AKAP12: variants seen among roughly 807,000 people sequenced by gnomAD.
AKAP12 encodes the protein A-kinase anchoring protein 12, also known as A-kinase anchor protein 12.
In AKAP12, 32 loss-of-function variants were observed where a neutral mutation model predicts 79.9. The observed-to-expected ratio is 0.40, with a 90% CI of 0.30 to 0.54. The LOEUF (loss-of-function observed/expected upper bound fraction) is 0.54, where lower values mean the gene tolerates loss of function less well. Ranked by LOEUF, AKAP12 falls within the 20% of genes least tolerant of loss-of-function variation. AKAP12 has a pLI of 0.48. For missense variants in AKAP12, 2,074 were observed against 2,177.0 expected, an observed-to-expected ratio of 0.95 and a Z score of 0.94; for synonymous variants, 808 against 857.0, an observed-to-expected ratio of 0.94 and a Z score of 1.00.
chr6:151,348,680 T>TGGGGGGGGGGGGGGGGGGG, intron 3 of AKAP12, 31 bp from the exon 4 acceptor site: 2 of 355,202 alleles, frequency 5.6e-6, no homozygotes, highest in East Asian at 5.8e-5. Flanking sequence ...TTTTCTCTTC[T>TGGGGGGGGGGGGGGGGGGG]CCCCACCCCC....
chr6:151,252,989 T>G (rs1797215048), intron 2 of AKAP12, among the ~76,000 whole-genome samples: 2 of 152,310 alleles, frequency 1.3e-5, no homozygotes, highest in South Asian at 4.1e-4. Context: ...CCATCCCCAG[T>G]GTCTGCCCTT....
intron 3 of AKAP12, among the ~76,000 whole-genome samples, chr6:151,337,615 C>T (rs1027533796): frequency 1.3e-5 from 2 of 152,008 alleles, no homozygotes; most frequent in Admixed American, 1.3e-4. Flanking sequence ...CTCAGATTCA[C>T]CTATCCCAAA....
intron 2 of AKAP12, among the ~76,000 whole-genome samples, chr6:151,275,114 T>A (rs1053343374): frequency 5.3e-5 from 8 of 151,380 alleles, no homozygotes; most frequent in African/African-American, 7.3e-5. Context: ...AAAAAAAAAA[T>A]TTTTTTTTAA....
intron 2 of AKAP12, among the ~76,000 whole-genome samples, chr6:151,295,025 C>G (rs1776694107): frequency 6.6e-6 from 1 of 152,184 alleles, no homozygotes; most frequent in South Asian, 2.1e-4. Context: ...GTTTCCCAAG[C>G]TAACCTGGAG....
At chr6:151,354,801 C>T (rs1170929259) in intron 4 of AKAP12, among the ~76,000 whole-genome samples, 2 of 152,118 alleles carry the variant, frequency 1.3e-5, no homozygotes, top group African/African-American at 4.8e-5. Flanking sequence ...CCTCTGTCTC[C>T]TGAATAGCTG....
At chr6:151,242,533 A>T (rs1470306959) in intron 2 of AKAP12, among the ~76,000 whole-genome samples, 1 of 152,220 alleles carries the variant, frequency 6.6e-6, no homozygotes, top group African/African-American at 2.4e-5. Context: ...GAATGTATTT[A>T]GTTTTCATTT....
intron 3 of AKAP12, among the ~76,000 whole-genome samples, chr6:151,343,371 G>T (rs552235967): frequency 1.9e-4 from 29 of 152,294 alleles, no homozygotes; most frequent in South Asian, 8.3e-4. Flanking sequence ...AATCATACTA[G>T]AATAGAGTTT....
rs2114832239 is a variant in AKAP12 at position 151,352,984 on chromosome 6, G to GGAA, written c.4595_4596insAGA (p.Glu1531dup). The GGAA allele has an allele frequency of 1.9e-6, 3 of 1,613,752 alleles. No homozygotes were observed. The highest frequency in any genetic ancestry group is 2.5e-6 in the Non-Finnish European group (3 of 1,179,952). On this transcript the variant is annotated inframe_insertion, in exon 4 of 5. Transcript: ENST00000402676. ...AGGTCAAAGTGAGTGTAGCAATTGAGGATTTAGAGCCTGAAAATGGGATTT... is the reference window on the plus strand; with the variant it reads ...AGGTCAAAGTGAGTGTAGCAATTGAGGAAGATTTAGAGCCTGAAAATGGGATTT...
At chr6:151,344,379 A>G (rs1778029685) in intron 3 of AKAP12, among the ~76,000 whole-genome samples, 1 of 79,508 alleles carries the variant, frequency 1.3e-5, no homozygotes, top group Non-Finnish European at 3.2e-5. Flanking sequence ...CTATTCATCT[A>G]TGAATATCCA....
chr6:151,350,645 G>A lies in AKAP12; in HGVS notation c.2254G>A (p.Glu752Lys), dbSNP rs1374258763. 1.9e-6 allele frequency: 3 copies of A among 1,614,008 alleles called. No individual in the cohort carries two copies. Among genetic ancestry groups the A allele is most frequent in the East Asian group, 2.2e-5 (1 of 44,866 alleles). ...CCCGGAGCAAGCTGGAAGCCCTACC[G>A]AAGGGGAGGGCGTTTCCACCTGGGA... ...SSPEQAGSPTEGEGVSTWESF... is the reference protein window; with the variant it reads ...SSPEQAGSPTKGEGVSTWESF... Residue 752 changes from glutamate (E) to lysine (K), a missense_variant, in exon 4 of 5, where the codon GAA becomes AAA. Physicochemically the swap from Glu to Lys is moderately conservative, Grantham distance 56. This residue lies in a region of AKAP12 where 1,428 missense variants were observed against 1,451.0 expected (regional missense o/e 0.98). Transcript: ENST00000402676. This position sits in a 1 kb window ranked among gnomAD's most constrained non-coding sequence, Gnocchi z 4.8.
At chr6:151,266,513 T>G (rs1776029909) in intron 2 of AKAP12, among the ~76,000 whole-genome samples, 1 of 152,192 alleles carries the variant, frequency 6.6e-6, no homozygotes, top group South Asian at 2.1e-4. Flanking sequence ...AAAAACACCC[T>G]GATGAAATGC....
In AKAP12 at chr6:151,352,660, G is replaced by C; in HGVS notation, c.4269G>C (p.Ala1423=). The C allele has an allele frequency of 1.2e-6, 2 of 1,614,140 alleles. No individual in the cohort carries two copies. The highest frequency in any genetic ancestry group is 2.2e-5 in the South Asian group (2 of 91,078). The change falls in exon 4 of 5, where the codon GCG becomes GCC. Residue 1423 remains alanine (A), a synonymous_variant. Coordinates refer to ENST00000402676, the MANE Select transcript of AKAP12 (RefSeq NM_005100.4). ...QSSEASFTLT[A]AAEEEKVLGE... is the part of the protein sequence containing the mutation. ...CTGAGGCATCATTCACTCTAACAGCGGCTGCAGAGGAGGAAAAGGTCTTAG... is the reference window on the plus strand; with the variant it reads ...CTGAGGCATCATTCACTCTAACAGCCGCTGCAGAGGAGGAAAAGGTCTTAG...
At chr6:151,256,938 C>T (rs1028650375) in intron 2 of AKAP12, among the ~76,000 whole-genome samples, 7 of 113,260 alleles carry the variant, frequency 6.2e-5, no homozygotes, top group African/African-American at 2.6e-4. Flanking sequence ...CGTGAGCCAC[C>T]GCGCCCGGCC....
chr6:151,349,652 GTCAGCACC>G lies in AKAP12; in HGVS notation c.1262_1269del (p.Val421GlyfsTer22), dbSNP rs779108943. ...AGAAGAGGTTGTGGCCGAAGTCCAC[GTCAGCACC>G]GTGGAGGAGAGAACCGAAGAGCAGA... On this transcript the variant is annotated frameshift_variant, in exon 4 of 5. Coordinates refer to ENST00000402676, the MANE Select transcript of AKAP12 (RefSeq NM_005100.4). LOFTEE classifies it high-confidence loss of function. 5 of 1,614,014 alleles carry G rather than the reference GTCAGCACC, an allele frequency of 3.1e-6. No homozygotes were observed. In the East Asian group the frequency reaches 1.1e-4, roughly 36 times the overall value.
chr6:151,354,982 A>G (rs1380622972), intron 4 of AKAP12, among the ~76,000 whole-genome samples: 2 of 151,798 alleles, frequency 1.3e-5, no homozygotes, highest in African/African-American at 2.4e-5. Context: ...TGCTCAACCC[A>G]TCTTCGTTTT....
Position 151,356,412 on chromosome 6 carries a change from C to G in AKAP12, c.*698C>G, listed in dbSNP as rs1368537367. On this transcript the variant is annotated 3_prime_UTR_variant, in exon 5 of 5. Coordinates refer to ENST00000402676, the MANE Select transcript of AKAP12 (RefSeq NM_005100.4). ...TATTGTCATTGGGAAATTTTTCTTT[C>G]TAACCCAGTGGAGGTTAGAAAGAAG... 6.6e-6 allele frequency: 1 copy of G among 152,278 alleles called. No homozygotes were observed. Among genetic ancestry groups the G allele is most frequent in the East Asian group, 1.9e-4 (1 of 5,192 alleles). 9.4% of individuals were successfully genotyped at this position (152,278 alleles called of 1,614,324 possible). A position where few individuals can be genotyped will look rare whatever the true frequency, so the allele number is the denominator to read the frequency against.
At chr6:151,314,227 A>T (rs1562734276) in intron 3 of AKAP12, among the ~76,000 whole-genome samples, 1 of 152,046 alleles carries the variant, frequency 6.6e-6, no homozygotes, top group Non-Finnish European at 1.5e-5. Flanking sequence ...GGGTTTTGCC[A>T]TGTTGACCAT....
chr6:151,318,481 T>G (rs1314536126), intron 3 of AKAP12, among the ~76,000 whole-genome samples: 2 of 152,210 alleles, frequency 1.3e-5, no homozygotes, highest in African/African-American at 2.4e-5. Flanking sequence ...TTGATAGATG[T>G]CTGGCCATTG....
chr6:151,255,515 G>GA (rs1306928649), intron 2 of AKAP12, among the ~76,000 whole-genome samples: 2 of 151,762 alleles, frequency 1.3e-5, no homozygotes, highest in East Asian at 3.9e-4. Flanking sequence ...AAATTGTTTA[G>GA]AGTCAGGCGT....
Sources: allele counts gnomAD v4.1 joint callset (sites outside exome capture counted in the v4.1 genomes callset), GRCh38; gene constraint gnomAD v4.1.1; regional missense constraint gnomAD v4.1.1; non-coding constraint Gnocchi (gnomAD v3.1); transcripts MANE v1.5; gene names NCBI Gene and HGNC (gene_info 2026-07-23, HGNC 2026-07-21).